The following GJB7 variants were observed in gnomAD, a reference collection of about 807,000 sequenced individuals.
The protein encoded by GJB7 is gap junction beta-7 protein.
For synonymous variants in GJB7, 87 were observed against 95.2 expected, an observed-to-expected ratio of 0.91 and a Z score of 0.50; for missense variants, 253 against 256.8, an observed-to-expected ratio of 0.99 and a Z score of 0.10.
chr6:87,294,043 C>A (rs1297541620), intron 2 of GJB7, among the ~76,000 whole-genome samples: 1 of 152,164 alleles, frequency 6.6e-6, no homozygotes, highest in Non-Finnish European at 1.5e-5. Flanking sequence ...TCTTCCACCT[C>A]CATCTTTGGT....
chr6:87,291,255 C>T (rs924111236), intron 2 of GJB7, among the ~76,000 whole-genome samples: 4 of 151,994 alleles, frequency 2.6e-5, no homozygotes, highest in African/African-American at 9.7e-5. Flanking sequence ...AATATAGATG[C>T]ATAAGAGCCA....
intron 2 of GJB7, among the ~76,000 whole-genome samples, chr6:87,296,952 G>A (rs1235627238): frequency 6.6e-6 from 1 of 152,238 alleles, no homozygotes; most frequent in African/African-American, 2.4e-5. Context: ...TGAAGCTAAT[G>A]AAGTTTAAGC....
intron 2 of GJB7, among the ~76,000 whole-genome samples, chr6:87,295,370 T>A (rs1488016756): frequency 6.6e-6 from 1 of 152,096 alleles, no homozygotes; most frequent in Non-Finnish European, 1.5e-5. Context: ...AATCATTACT[T>A]AGTAATGATT....
At chr6:87,327,094 G>C (rs1314440556) in intron 1 of GJB7, among the ~76,000 whole-genome samples, 1 of 151,328 alleles carries the variant, frequency 6.6e-6, no homozygotes, top group Non-Finnish European at 1.5e-5. Context: ...TGCAACCCCT[G>C]CTTTTTTTTG....
chr6:87,292,473 T>TA (rs1178266127), intron 2 of GJB7, among the ~76,000 whole-genome samples: 3 of 152,132 alleles, frequency 2.0e-5, no homozygotes, highest in African/African-American at 4.8e-5. Context: ...TATACTATTA[T>TA]AAAAAAAGCT....
At chr6:87,301,503 G>T (rs974529264) in intron 2 of GJB7, among the ~76,000 whole-genome samples, 1 of 152,196 alleles carries the variant, frequency 6.6e-6, no homozygotes, top group African/African-American at 2.4e-5. Context: ...CCATTGCTGA[G>T]GCTTGAGTAG....
At chr6:87,290,683 A>G (rs1217139566) in intron 2 of GJB7, among the ~76,000 whole-genome samples, 1 of 152,212 alleles carries the variant, frequency 6.6e-6, no homozygotes, top group East Asian at 1.9e-4. Flanking sequence ...GCATTCTGCA[A>G]ACTACACAGC....
chr6:87,296,105 A>G (rs1162523786), intron 2 of GJB7, among the ~76,000 whole-genome samples: 1 of 152,240 alleles, frequency 6.6e-6, no homozygotes, highest in Non-Finnish European at 1.5e-5. Context: ...AGAGCCAACT[A>G]ATGTATTTGC....
Position 87,284,741 on chromosome 6 carries a change from G to C in GJB7, c.172C>G (p.Pro58Ala). ...TCAAAACACACATTTTTGCAACCGG[G>C]CTGTCTACTGTTGCACTCAAACTCT... is the stretch of plus-strand genomic sequence containing the variant. Reference protein sequence around the residue: ...QKEFECNSRQPGCKNVCFDDF... With the variant: ...QKEFECNSRQAGCKNVCFDDF... The change falls in exon 3 of 3, where the codon CCC (proline) becomes GCC (alanine). Residue 58 changes from proline to alanine, a missense_variant. Transcript: ENST00000525899. 1 of 1,614,080 alleles carries C rather than the reference G, an allele frequency of 6.2e-7. No homozygotes were observed. The highest frequency in any genetic ancestry group is 1.7e-5 in the Admixed American group (1 of 60,018).
At chr6:87,328,516 A>G (rs1173497356) in intron 1 of GJB7, among the ~76,000 whole-genome samples, 1 of 151,624 alleles carries the variant, frequency 6.6e-6, no homozygotes, top group Admixed American at 6.6e-5. Flanking sequence ...CGGCCGTGTG[A>G]GGTATCAGTC....
intron 2 of GJB7, among the ~76,000 whole-genome samples, chr6:87,295,375 A>G (rs1272128240): frequency 1.3e-5 from 2 of 149,646 alleles, no homozygotes; most frequent in East Asian, 3.9e-4. Flanking sequence ...TTACTTAGTA[A>G]TGATTGACAT....
At position 87,298,763 on chromosome 6, in the gene GJB7, C is replaced by G. The variant is rs1228080849; in HGVS notation, c.-27-13824G>C. On this transcript the variant is annotated intron_variant, in intron 2 of 2. Coordinates refer to ENST00000525899, the MANE Select transcript of GJB7 (RefSeq NM_198568.3). ...CACCGCACCCACGCCTCGCTGCCAT[C>G]CGACAGAAATGCTTCAATTACCCAC... 2.1e-5 allele frequency: 5 copies of G among 235,510 alleles called. No homozygotes were observed. The East Asian group carries it at 6.0e-4, about 28-fold the overall frequency. The allele number at this position is 235,510 out of a possible 1,614,324, so 14.6% of individuals were successfully genotyped here.
intron 2 of GJB7, among the ~76,000 whole-genome samples, chr6:87,312,903 A>G (rs576956938): frequency 3.3e-5 from 5 of 152,358 alleles, no homozygotes; most frequent in African/African-American, 4.8e-5. Context: ...TGAGTGGTAG[A>G]GGTTTAGTGA....
chr6:87,328,042 C>G (rs1176614791), intron 1 of GJB7, among the ~76,000 whole-genome samples: 2 of 151,988 alleles, frequency 1.3e-5, no homozygotes, highest in African/African-American at 2.4e-5. Flanking sequence ...TCCAGTTGAT[C>G]GCATCAGCTC....
intron 2 of GJB7, among the ~76,000 whole-genome samples, chr6:87,312,052 G>A (rs1776518732): frequency 6.6e-6 from 1 of 152,054 alleles, no homozygotes; most frequent in African/African-American, 2.4e-5. Context: ...GTGAGTGGGA[G>A]GAGACATAAG....
At chr6:87,307,004 T>G (rs1776438397) in intron 2 of GJB7, among the ~76,000 whole-genome samples, 1 of 151,886 alleles carries the variant, frequency 6.6e-6, no homozygotes, top group African/African-American at 2.4e-5. Flanking sequence ...AAGGGGAACA[T>G]CACACTCTGG....
intron 2 of GJB7, among the ~76,000 whole-genome samples, chr6:87,308,251 A>G (rs1733690865): frequency 6.6e-6 from 1 of 152,086 alleles, no homozygotes; most frequent in South Asian, 2.1e-4. Flanking sequence ...GGGGAGGGAT[A>G]GCATTAGGAG....
chr6:87,296,330 A>G (rs1003512139), intron 2 of GJB7, among the ~76,000 whole-genome samples: 5 of 152,256 alleles, frequency 3.3e-5, no homozygotes, highest in African/African-American at 1.2e-4. Flanking sequence ...GAAGAATCCT[A>G]TTTTAAGAGT....
intron 2 of GJB7, among the ~76,000 whole-genome samples, chr6:87,310,890 T>C (rs1776506162): frequency 6.6e-6 from 1 of 152,176 alleles, no homozygotes; most frequent in Non-Finnish European, 1.5e-5. Flanking sequence ...TATATTACTA[T>C]AAAACTTTCA....
Sources: allele counts gnomAD v4.1 joint callset (sites outside exome capture counted in the v4.1 genomes callset), GRCh38; gene constraint gnomAD v4.1.1; transcripts MANE v1.5; gene names NCBI Gene and HGNC (gene_info 2026-07-23, HGNC 2026-07-21).